Variants in RMP24 observed in about 807,000 individuals in gnomAD.
The protein encoded by RMP24 is ribonuclease MRP protein subunit p24.
chr18:35,973,276 C>G, the RMP24 span: 75 of 358,842 alleles, frequency 2.1e-4, no homozygotes, highest in Non-Finnish European at 2.2e-4. Context: ...TAGGCACACT[C>G]GCTTCCTTGG....
the RMP24 span, among the ~76,000 whole-genome samples, chr18:35,978,455 C>T: frequency 6.6e-6 from 1 of 152,136 alleles, no homozygotes; most frequent in Admixed American, 6.5e-5. Context: ...TACTAAAATA[C>T]AAAAGATTAG....
chr18:35,974,110 G>T, the RMP24 span, among the ~76,000 whole-genome samples: 3 of 152,108 alleles, frequency 2.0e-5, no homozygotes, highest in African/African-American at 7.2e-5. Context: ...CTCTGCCTGG[G>T]ATTCTTGCCT....
chr18:35,975,172 C>A, the RMP24 span: 1 of 1,223,880 alleles, frequency 8.2e-7, no homozygotes, highest in South Asian at 1.4e-5. Flanking sequence ...TAAGAATCAG[C>A]CTCAGTATAA....
chr18:35,976,135 C>T, the RMP24 span, among the ~76,000 whole-genome samples: 31 of 108,604 alleles, frequency 2.9e-4, no homozygotes, highest in African/African-American at 7.4e-4. Flanking sequence ...ATTTGTTTTT[C>T]TGATTTTTTT....
the RMP24 span, chr18:35,977,668 T>C: frequency 1.3e-6 from 2 of 1,490,204 alleles, no homozygotes; most frequent in Non-Finnish European, 1.8e-6. Flanking sequence ...CTGTGTTTAA[T>C]ATATACTCCC....
At chr18:35,972,902 C>T in the RMP24 span, 15 of 1,614,088 alleles carry the variant, frequency 9.3e-6, no homozygotes, top group Admixed American at 1.7e-5. Flanking sequence ...TACACTTCGT[C>T]GCACGGTAAG....
chr18:35,972,999 C>CT, the RMP24 span: 1 of 1,520,698 alleles, frequency 6.6e-7, no homozygotes, highest in Non-Finnish European at 9.1e-7. Context: ...GATGGACTCA[C>CT]TTCCCTCCAT....
the RMP24 span, chr18:35,977,426 C>T: frequency 4.3e-6 from 7 of 1,609,930 alleles, no homozygotes; most frequent in African/African-American, 9.4e-5. Context: ...ACTTGTAAAA[C>T]ATGCAACAGA....
the RMP24 span, chr18:35,974,812 A>G: frequency 0.23 from 280,479 of 1,245,178 alleles, 32,714 homozygotes; most frequent in African/African-American, 0.31. Context: ...TTAAATTTCA[A>G]TATACTTTTT....
At chr18:35,972,961 C>G in the RMP24 span, 1 of 1,607,610 alleles carries the variant, frequency 6.2e-7, no homozygotes, top group Non-Finnish European at 8.5e-7. Flanking sequence ...CCGCTTTCCT[C>G]TGTTCCGCAC....
At chr18:35,975,811 A>G in the RMP24 span, among the ~76,000 whole-genome samples, 1 of 152,214 alleles carries the variant, frequency 6.6e-6, no homozygotes, top group Non-Finnish European at 1.5e-5. Flanking sequence ...TATAATTAGC[A>G]ATTACTTGGA....
the RMP24 span, chr18:35,973,370 C>T: frequency 5.7e-6 from 1 of 174,210 alleles, no homozygotes; most frequent in East Asian, 1.5e-4. Context: ...CAGACCTCTC[C>T]TCTGAATTCT....
chr18:35,974,510 T>TA, the RMP24 span, among the ~76,000 whole-genome samples: 4 of 152,194 alleles, frequency 2.6e-5, no homozygotes, highest in African/African-American at 7.2e-5. Context: ...GCTAATTATT[T>TA]AAAAAAAGAA....
the RMP24 span, chr18:35,978,919 GTTAC>G: frequency 1.9e-6 from 3 of 1,613,328 alleles, no homozygotes; most frequent in Non-Finnish European, 2.5e-6. Flanking sequence ...AACTAAAAAT[GTTAC>G]TTAGTCAGAA....
chr18:35,973,161 C>A, the RMP24 span: 1 of 593,846 alleles, frequency 1.7e-6, no homozygotes, highest in Non-Finnish European at 3.0e-6. Context: ...TTACGTAGTT[C>A]ACCTCTTCAT....
chr18:35,977,484 G>C, the RMP24 span: 1 of 1,614,120 alleles, frequency 6.2e-7, no homozygotes, highest in Non-Finnish European at 8.5e-7. Flanking sequence ...CAACATTGAA[G>C]AGCAATCCTG....
chr18:35,978,701 A>C, the RMP24 span: 1 of 745,764 alleles, frequency 1.3e-6, no homozygotes, highest in Non-Finnish European at 2.0e-6. Flanking sequence ...TCCTGAGGAA[A>C]TCTAACTGAA....
chr18:35,972,973 AC>A, the RMP24 span: 8 of 1,598,784 alleles, frequency 5.0e-6, no homozygotes, highest in Non-Finnish European at 6.9e-6. Flanking sequence ...GTTCCGCACA[AC>A]GCTCAAATAA....
chr18:35,972,812 G>C, the RMP24 span: 13 of 1,614,072 alleles, frequency 8.1e-6, no homozygotes, highest in Non-Finnish European at 1.1e-5. Context: ...TCCTGTAAGA[G>C]GACTGGAGGG....
Sources: allele counts gnomAD v4.1 joint callset (sites outside exome capture counted in the v4.1 genomes callset), GRCh38; gene constraint gnomAD v4.1.1; transcripts MANE v1.5; gene names NCBI Gene and HGNC (gene_info 2026-07-23, HGNC 2026-07-21).